Variants in INSR observed in about 807,000 individuals in gnomAD.
INSR encodes IR.
A neutral mutation model predicts 142.6 loss-of-function variants in INSR; 67 were observed. That is an observed-to-expected ratio of 0.47 (90% confidence interval 0.39 to 0.58). The LOEUF (loss-of-function observed/expected upper bound fraction) is 0.58. Ranked by LOEUF, INSR falls within the 20% of genes least tolerant of loss-of-function variation. The probability of loss-of-function intolerance (pLI) is 0.00; values close to 1 mark genes in which losing one functional copy is unlikely to be tolerated. For synonymous variants in INSR, 756 were observed against 743.1 expected (o/e 1.02, Z -0.28); for missense variants, 1,248 against 1,833.2 (o/e 0.68, Z 5.83).
rs1254987971 is a variant in INSR at position 7,284,538 on chromosome 19, G to GT, written c.100+9253dup. On this transcript the variant is annotated intron_variant, in intron 1 of 21. Coordinates refer to ENST00000302850, the MANE Select transcript of INSR (RefSeq NM_000208.4). ...CAAAAAGGACTCAGGTTTTTTTGTT[G>GT]TTGTTTTTTGTTTTGAGTCTCACCC... Among the ~76,000 whole-genome samples the GT allele has an allele frequency of 6.4e-3, 971 of 151,884 alleles. 5 individuals are homozygous for GT. Among genetic ancestry groups the GT allele is most frequent in the African/African-American group, 0.023 (937 of 41,394 alleles).
At chr19:7,181,387 TGA>T (rs931324662) in intron 3 of INSR, among the ~76,000 whole-genome samples, 2 of 152,106 alleles carry the variant, frequency 1.3e-5, no homozygotes, top group African/African-American at 4.8e-5. Flanking sequence ...TAGGAAGAAG[TGA>T]GAGAGGCCAA....
chr19:7,121,954 C>T (rs1256164595), intron 19 of INSR, among the ~76,000 whole-genome samples: 1 of 151,860 alleles, frequency 6.6e-6, no homozygotes, highest in African/African-American at 2.4e-5. Context: ...ACCATCTTGG[C>T]CAACACAGTG....
intron 1 of INSR, among the ~76,000 whole-genome samples, chr19:7,279,080 A>G (rs1968139614): frequency 6.6e-6 from 1 of 152,128 alleles, no homozygotes; most frequent in Admixed American, 6.6e-5. Context: ...GTGAGCTGAG[A>G]TCACGCCACT....
At chr19:7,215,183 CCCAGGA>C (rs1354588281) in intron 2 of INSR, among the ~76,000 whole-genome samples, 3 of 152,120 alleles carry the variant, frequency 2.0e-5, no homozygotes, top group Non-Finnish European at 4.4e-5. Flanking sequence ...AGGATTCGAA[CCCAGGA>C]CCATGGGCTC....
At chr19:7,133,209 C>T (rs1247502804) in intron 13 of INSR, among the ~76,000 whole-genome samples, 3 of 152,128 alleles carry the variant, frequency 2.0e-5, no homozygotes, top group Non-Finnish European at 4.4e-5. Flanking sequence ...GTGCAGTGAG[C>T]TATGAAGGCT....
chr19:7,276,443 A>C lies in INSR; in HGVS notation c.101-8547T>G, dbSNP rs1185829015. Among the ~76,000 whole-genome samples, 14 of 136,428 alleles carry C rather than the reference A, an allele frequency of 1.0e-4. No homozygotes were observed. In the East Asian group the frequency reaches 3.2e-3, roughly 31 times the overall value. 89.5% of individuals were successfully genotyped at this position (136,428 alleles called of 152,430 possible). A position where few individuals can be genotyped will look rare whatever the true frequency, so the allele number is the denominator to read the frequency against. ...TGGGTGTGAGCCATCAAGCCCGGCCAGTAACAGCATTCTTAAAATGCTCCC... is the reference window on the plus strand; with the variant it reads ...TGGGTGTGAGCCATCAAGCCCGGCCCGTAACAGCATTCTTAAAATGCTCCC... On this transcript the variant is annotated intron_variant, in intron 1 of 21. Coordinates refer to ENST00000302850, the MANE Select transcript of INSR (RefSeq NM_000208.4).
At chr19:7,177,236 C>T (rs1279660772) in intron 3 of INSR, among the ~76,000 whole-genome samples, 1 of 152,122 alleles carries the variant, frequency 6.6e-6, no homozygotes, top group Admixed American at 6.6e-5. Flanking sequence ...GGGTACAGAA[C>T]TTAAGTCAGT....
intron 2 of INSR, among the ~76,000 whole-genome samples, chr19:7,240,912 C>T (rs557525309): frequency 3.0e-4 from 46 of 152,164 alleles, no homozygotes; most frequent in Non-Finnish European, 4.4e-4. Flanking sequence ...ATTACATATA[C>T]GCACATATTC....
chr19:7,135,802 C>T (rs1972907943), intron 13 of INSR, among the ~76,000 whole-genome samples: 1 of 151,888 alleles, frequency 6.6e-6, no homozygotes, highest in African/African-American at 2.4e-5. Flanking sequence ...AACCTCGTCT[C>T]TACTAAAAGA....
chr19:7,244,867 G>T (rs1976481323), intron 2 of INSR, among the ~76,000 whole-genome samples: 1 of 151,700 alleles, frequency 6.6e-6, no homozygotes, highest in Non-Finnish European at 1.5e-5. Flanking sequence ...TCTGGGAAAT[G>T]GGTTATGTTT....
At chr19:7,280,649 G>A (rs540050544) in intron 1 of INSR, among the ~76,000 whole-genome samples, 4 of 151,744 alleles carry the variant, frequency 2.6e-5, no homozygotes, top group East Asian at 3.9e-4. Context: ...CCCGGGAGGC[G>A]GAGGTTGTGA....
rs1568470808 is a variant in INSR, at chr19:7,184,674, A to AGAGG, written c.653-38_653-37insCCTC. Reference sequence around the variant, plus strand: ...GAGAGAGAGAGAGGGAAATAAATAAATAAATAAATAAATAAATAAATAAAT... The same window carrying AGAGG: ...GAGAGAGAGAGAGGGAAATAAATAAAGAGGTAAATAAATAAATAAATAAATAAAT... On this transcript the variant is annotated intron_variant, in intron 2 of 21. Transcript: ENST00000302850. 3.5e-5 allele frequency: 36 copies of AGAGG among 1,029,146 alleles called. No individual in the cohort carries two copies. In the African/African-American group the frequency reaches 5.9e-4, roughly 17 times the overall value. 63.8% of individuals were successfully genotyped at this position (1,029,146 alleles called of 1,614,324 possible). A position where few individuals can be genotyped will look rare whatever the true frequency, so the allele number is the denominator to read the frequency against.
At chr19:7,280,339 G>A (rs1968174139) in intron 1 of INSR, among the ~76,000 whole-genome samples, 1 of 152,148 alleles carries the variant, frequency 6.6e-6, no homozygotes, top group South Asian at 2.1e-4. Flanking sequence ...AGCACTTTGG[G>A]AGGCCAAGGC....
intron 11 of INSR, among the ~76,000 whole-genome samples, chr19:7,144,753 T>C (rs1320503437): frequency 2.0e-5 from 3 of 151,876 alleles, no homozygotes; most frequent in African/African-American, 7.3e-5. Context: ...CATTGTCTGA[T>C]TGTCTTATTA....
intron 2 of INSR, among the ~76,000 whole-genome samples, chr19:7,190,772 T>C (rs1974560710): frequency 6.6e-6 from 1 of 152,098 alleles, no homozygotes; most frequent in South Asian, 2.1e-4. Context: ...TTAGGAGAAA[T>C]AAGCTTTAGT....
In INSR at chr19:7,125,085, G is replaced by C. The variant is rs1367688426; in HGVS notation, c.3258+198C>G. On this transcript the variant is annotated intron_variant, in intron 17 of 21. Transcript: ENST00000302850. This position sits in a 1 kb window ranked among gnomAD's most constrained non-coding sequence, Gnocchi z 4.9. The stretch of plus-strand genomic sequence containing the variant: ...AGTGATGAGACAGTGATAGAGTCTG[G>C]TTCCAGGCGAAGTGGGAGAGGATGG... Among the ~76,000 whole-genome samples, 3 of 152,118 alleles carry C rather than the reference G, an allele frequency of 2.0e-5. No homozygotes were observed. In the East Asian group the frequency reaches 5.8e-4, roughly 29 times the overall value.
At chr19:7,140,232 G>A (rs534203965) in intron 13 of INSR, among the ~76,000 whole-genome samples, 1 of 152,270 alleles carries the variant, frequency 6.6e-6, no homozygotes, top group Admixed American at 6.5e-5. Context: ...GGTTATAGGA[G>A]GACTCCCTCT....
rs758678957 is a variant in INSR, at chr19:7,152,708, C to T, written c.2231+18G>A. ...GCCAATTGGCACCCACTAAGAGAGC[C>T]CAGCGCCAAGTCCTGACCTGGGGAC... On this transcript the variant is annotated intron_variant, in intron 10 of 21. Transcript: ENST00000302850. 2 of 1,607,284 alleles carry T rather than the reference C, an allele frequency of 1.2e-6. No homozygotes were observed. Among genetic ancestry groups the T allele is most frequent in the South Asian group, 1.1e-5 (1 of 90,888 alleles).
intron 2 of INSR, among the ~76,000 whole-genome samples, chr19:7,264,766 T>C (rs1455806127): frequency 6.6e-6 from 1 of 152,228 alleles, no homozygotes; most frequent in Non-Finnish European, 1.5e-5. Context: ...TCCTTGCCCC[T>C]GACCTACAAT....
Sources: allele counts gnomAD v4.1 joint callset (sites outside exome capture counted in the v4.1 genomes callset), GRCh38; gene constraint gnomAD v4.1.1; non-coding constraint Gnocchi (gnomAD v3.1); transcripts MANE v1.5; gene names NCBI Gene and HGNC (gene_info 2026-07-23, HGNC 2026-07-21).